The following BEND6 variants were observed in gnomAD, a reference collection of about 807,000 sequenced individuals.
The protein encoded by BEND6 is BEN domain-containing protein 6.
Under a neutral mutation model 31.8 loss-of-function variants are expected in BEND6, and 24 were observed. That is an observed-to-expected ratio of 0.75 (90% CI 0.55 to 1.06). The LOEUF is 1.06. BEND6 is among the 50% of genes least tolerant of loss of function. BEND6 has a pLI of 0.00. For missense variants in BEND6, 294 were observed against 327.4 expected (o/e 0.90, Z 0.79); for synonymous variants, 109 against 114.6 (o/e 0.95, Z 0.31).
In BEND6 at chr6:57,018,407, T is replaced by C. The variant is rs749614238; in HGVS notation, c.713-14T>C. The C allele has an allele frequency of 1.5e-5, 23 of 1,579,638 alleles. 1 individual carries two copies. In the South Asian group the frequency reaches 2.4e-4, roughly 16 times the overall value. On this transcript the variant is annotated splice_polypyrimidine_tract_variant and intron_variant, in intron 5 of 6. Coordinates refer to ENST00000370746, the MANE Select transcript of BEND6 (RefSeq NM_152731.3). ...TCATGAAGTTTCTCATGTGTCGCTATTGGTTTTTTACAGGAGTAACAAAAC... is the reference window on the plus strand; with the variant it reads ...TCATGAAGTTTCTCATGTGTCGCTACTGGTTTTTTACAGGAGTAACAAAAC...
In BEND6 at chr6:56,990,249, C is replaced by CTTT. The variant is rs943959318; in HGVS notation, c.121-2111_121-2109dup. On this transcript the variant is annotated intron_variant, in intron 2 of 6. Transcript: ENST00000370746. ...TGCATCTATTTTGGGCCACTCGCTTCTTTTTTTTTTTTTTTTTTTTGGACA... is the reference window on the plus strand; with the variant it reads ...TGCATCTATTTTGGGCCACTCGCTTCTTTTTTTTTTTTTTTTTTTTTTTGGACA... Among the ~76,000 whole-genome samples, 44 of 110,130 alleles carry CTTT rather than the reference C, an allele frequency of 4.0e-4. 1 individual carries two copies. Among genetic ancestry groups the CTTT allele is most frequent in the Non-Finnish European group, 4.7e-4 (25 of 53,650 alleles). The allele number at this position is 110,130 out of a possible 152,430, so 72.2% of individuals were successfully genotyped here.
chr6:56,970,761 G>A (rs1236423784), intron 1 of BEND6, among the ~76,000 whole-genome samples: 1 of 152,064 alleles, frequency 6.6e-6, no homozygotes, highest in African/African-American at 2.4e-5. Flanking sequence ...GAAATCTACT[G>A]GAAAGTAGAT....
At chr6:57,009,357 C>T (rs545134358) in intron 3 of BEND6, 2 of 152,154 alleles carry the variant, frequency 1.3e-5, no homozygotes, top group South Asian at 4.2e-4. Context: ...GACCTTTATA[C>T]ATTATATGTA....
At chr6:56,965,853 T>C (rs1156632708) in intron 1 of BEND6, among the ~76,000 whole-genome samples, 1 of 152,030 alleles carries the variant, frequency 6.6e-6, no homozygotes, top group Non-Finnish European at 1.5e-5. Context: ...GAATTACATA[T>C]TACATTTTGT....
Position 56,981,619 on chromosome 6 carries a change from T to C in BEND6, c.-100-92T>C, listed in dbSNP as rs1034030692. 4 of 474,190 alleles carry C rather than the reference T, an allele frequency of 8.4e-6. No individual in the cohort carries two copies. The Admixed American group carries it at 1.6e-4, about 19-fold the overall frequency. The allele number at this position is 474,190 out of a possible 1,614,324, so 29.4% of individuals were successfully genotyped here. Reference sequence around the variant, plus strand: ...CAGTGGAAGAAAGAATAGGAAACATTAATAAAACTGGTTTATCTGAGTGGC... The same window carrying C: ...CAGTGGAAGAAAGAATAGGAAACATCAATAAAACTGGTTTATCTGAGTGGC... On this transcript the variant is annotated intron_variant, in intron 1 of 6. Transcript: ENST00000370746.
At position 57,026,233 on chromosome 6, in the gene BEND6, G is replaced by A. The variant is rs980427959; in HGVS notation, c.*161G>A. ...GTAACATTGCTGAGCTCTCCTAAGG[G>A]ACCAACAAGCTTGCTGAAGAAGCTG... On this transcript the variant is annotated 3_prime_UTR_variant, in exon 7 of 7. Coordinates refer to ENST00000370746, the MANE Select transcript of BEND6 (RefSeq NM_152731.3). 2.6e-5 allele frequency: 4 copies of A among 152,180 alleles called. No individual in the cohort carries two copies. The highest frequency in any genetic ancestry group is 2.6e-4 in the Admixed American group (4 of 15,276). The allele number at this position is 152,180 out of a possible 1,614,324, so 9.4% of individuals were successfully genotyped here.
In BEND6 at chr6:57,026,542, A is replaced by C. The variant is rs1827908631; in HGVS notation, c.*470A>C. 6.6e-6 allele frequency: 1 copy of C among 152,222 alleles called. No individual in the cohort carries two copies. Among genetic ancestry groups the C allele is most frequent in the Non-Finnish European group, 1.5e-5 (1 of 68,040 alleles). The allele number at this position is 152,222 out of a possible 1,614,324, so 9.4% of individuals were successfully genotyped here. A position where few individuals can be genotyped will look rare whatever the true frequency, so the allele number is the denominator to read the frequency against. ...GCATAAGCACATGCTTGCAAAAGTA[A>C]ACAGTGAAATAATTAATGTTGGCAA... On this transcript the variant is annotated 3_prime_UTR_variant, in exon 7 of 7. Transcript: ENST00000370746.
intron 3 of BEND6, among the ~76,000 whole-genome samples, chr6:57,003,345 A>G (rs1165259924): frequency 6.6e-6 from 1 of 152,084 alleles, no homozygotes; most frequent in East Asian, 1.9e-4. Context: ...ATTAAAAATA[A>G]AAAGAATTAG....
At chr6:57,008,109 A>C in intron 3 of BEND6, 1 of 690,678 alleles carries the variant, frequency 1.4e-6, no homozygotes, top group Non-Finnish European at 2.6e-6. Context: ...TCTGATTAAA[A>C]GGGCCCCAGT....
At chr6:56,995,884 A>T (rs1387486805) in intron 3 of BEND6, among the ~76,000 whole-genome samples, 1 of 152,200 alleles carries the variant, frequency 6.6e-6, no homozygotes, top group East Asian at 1.9e-4. Context: ...ATAGTCATTT[A>T]TCACTTGTCA....
At chr6:57,014,118 TA>T (rs1827446436) in intron 3 of BEND6, 1 of 167,848 alleles carries the variant, frequency 6.0e-6, no homozygotes, top group Non-Finnish European at 1.3e-5. Context: ...AGAGAAAAAA[TA>T]AACTAGATAA....
At chr6:56,964,787 C>T (rs978356529) in intron 1 of BEND6, among the ~76,000 whole-genome samples, 6 of 152,230 alleles carry the variant, frequency 3.9e-5, no homozygotes, top group African/African-American at 1.4e-4. Context: ...TGAGCCTCCT[C>T]ACCTGGCCTC....
At chr6:56,989,892 T>G (rs1826427588) in intron 2 of BEND6, among the ~76,000 whole-genome samples, 1 of 152,224 alleles carries the variant, frequency 6.6e-6, no homozygotes, top group African/African-American at 2.4e-5. Context: ...TGAAGAAAAT[T>G]TCTTAATTTT....
chr6:56,967,481 C>G lies in BEND6; in HGVS notation c.-101+12021C>G, dbSNP rs565414630. The stretch of plus-strand genomic sequence containing the variant: ...GTCCTCCCTCCCTCTGATCTCATGC[C>G]TGGACACTCATTGGCTGAAATCAGC... On this transcript the variant is annotated intron_variant, in intron 1 of 6. Coordinates refer to ENST00000370746, the MANE Select transcript of BEND6 (RefSeq NM_152731.3). Among the ~76,000 whole-genome samples, 4 of 152,250 alleles carry G rather than the reference C, an allele frequency of 2.6e-5. No individual in the cohort carries two copies. In the Middle Eastern group the frequency reaches 0.01, roughly 388 times the overall value.
chr6:56,976,978 C>G (rs1394170718), intron 1 of BEND6, among the ~76,000 whole-genome samples: 1 of 152,122 alleles, frequency 6.6e-6, no homozygotes, highest in Non-Finnish European at 1.5e-5. Flanking sequence ...AAATAGCAGT[C>G]AGAAAAATTA....
chr6:57,003,442 A>G (rs1827020161), intron 3 of BEND6, among the ~76,000 whole-genome samples: 1 of 152,152 alleles, frequency 6.6e-6, no homozygotes, highest in African/African-American at 2.4e-5. Context: ...TGGAGGCTGC[A>G]ATGTGCTGTG....
Position 56,973,500 on chromosome 6 carries a change from TAATAAC to T in BEND6, c.-100-8204_-100-8199del, listed in dbSNP as rs200278708. On this transcript the variant is annotated intron_variant, in intron 1 of 6. Coordinates refer to ENST00000370746, the MANE Select transcript of BEND6 (RefSeq NM_152731.3). Reference sequence around the variant, plus strand: ...TTATTAATTAGGCACAGTAAAACATTAATAACAATAACTAATAGTAATATAAAACAA... The same window carrying T: ...TTATTAATTAGGCACAGTAAAACATTAATAACTAATAGTAATATAAAACAA... Among the ~76,000 whole-genome samples the T allele has an allele frequency of 1.6e-3, 240 of 152,106 alleles. 3 individuals carry two copies. In the East Asian group the frequency reaches 0.038, roughly 24 times the overall value.
chr6:56,961,823 T>C (rs773297949), intron 1 of BEND6, among the ~76,000 whole-genome samples: 16 of 152,288 alleles, frequency 1.1e-4, no homozygotes, highest in Non-Finnish European at 1.9e-4. Context: ...GACCTGGTAA[T>C]TGGTGCCCTC....
chr6:56,973,362 C>T (rs559753645), intron 1 of BEND6, among the ~76,000 whole-genome samples: 15 of 152,122 alleles, frequency 9.9e-5, no homozygotes, highest in Non-Finnish European at 1.9e-4. Context: ...AGTAGTGCTC[C>T]CTTATCCACG....
Sources: gnomAD v4.1 joint callset for allele counts (sites outside exome capture counted in the v4.1 genomes callset) on GRCh38, gnomAD v4.1.1 for gene constraint, MANE v1.5 for transcripts, NCBI Gene and HGNC (gene_info 2026-07-23, HGNC 2026-07-21) for gene names.